USH2A: variants seen among roughly 807,000 people sequenced by gnomAD.
The protein encoded by USH2A is Usher syndrome 2A (autosomal recessive, mild).
A neutral mutation model predicts 538.9 loss-of-function variants in USH2A; 443 were observed. The ratio of observed to expected loss-of-function variants is 0.82; its 90% CI spans 0.76 to 0.89. USH2A has a LOEUF of 0.89. Ranked by LOEUF, USH2A falls within the 40% of genes least tolerant of loss-of-function variation. USH2A has a pLI of 0.00. For synonymous variants in USH2A, 2,413 were observed against 2,273.5 expected, an observed-to-expected ratio of 1.06 and a Z score of -1.75; for missense variants, 6,633 against 6,324.8, an observed-to-expected ratio of 1.05 and a Z score of -1.65.
chr1:216,281,604 C>T (rs527563219), intron 11 of USH2A, among the ~76,000 whole-genome samples: 4 of 152,166 alleles, frequency 2.6e-5, no homozygotes, highest in South Asian at 4.1e-4. Flanking sequence ...GATTATACTA[C>T]ATTTTATCTA....
At position 216,423,219 on chromosome 1, in the gene USH2A, CT is replaced by C. The variant is rs2039709955; in HGVS notation, c.-211del. On this transcript the variant is annotated 5_prime_UTR_variant, in exon 1 of 72. Transcript: ENST00000307340. The stretch of plus-strand genomic sequence containing the variant: ...TGATAAATAAGCTGAGTTACCATTT[CT>C]TTATTGCATTTCAACCAGTCCCCTC... The C allele has an allele frequency of 6.6e-6, 1 of 152,204 alleles. No individual in the cohort carries two copies. Among genetic ancestry groups the C allele is most frequent in the Admixed American group, 6.5e-5 (1 of 15,278 alleles). 9.4% of individuals were successfully genotyped at this position (152,204 alleles called of 1,614,324 possible). A position where few individuals can be genotyped will look rare whatever the true frequency, so the allele number is the denominator to read the frequency against.
At chr1:215,717,895 G>A (rs139245669) in intron 61 of USH2A, among the ~76,000 whole-genome samples, 1,998 of 152,272 alleles carry the variant, frequency 0.013, 23 homozygotes, top group Middle Eastern at 0.024. Context: ...AACATCAGGC[G>A]AGAAAGTTAT....
intron 41 of USH2A, among the ~76,000 whole-genome samples, chr1:215,886,041 A>T (rs1304020683): frequency 1.3e-5 from 2 of 152,196 alleles, no homozygotes; most frequent in East Asian, 3.8e-4. Context: ...CCTACTGCCT[A>T]AAAGAGGCAC....
intron 62 of USH2A, among the ~76,000 whole-genome samples, chr1:215,677,506 C>A (rs1571951469): frequency 6.6e-6 from 1 of 152,176 alleles, no homozygotes; most frequent in Admixed American, 6.5e-5. Flanking sequence ...CCTCAACCAG[C>A]CATGCCAACC....
At chr1:215,856,831 T>C (rs1291738882) in intron 44 of USH2A, among the ~76,000 whole-genome samples, 1 of 121,730 alleles carries the variant, frequency 8.2e-6, no homozygotes, top group Non-Finnish European at 1.7e-5. Context: ...TAAAAAAATT[T>C]GGTGTGTGTG....
At chr1:216,124,880 G>A (rs1411674192) in intron 21 of USH2A, among the ~76,000 whole-genome samples, 1 of 152,112 alleles carries the variant, frequency 6.6e-6, no homozygotes, top group Non-Finnish European at 1.5e-5. Flanking sequence ...GTGAGACTGT[G>A]GACAGTAACA....
intron 8 of USH2A, among the ~76,000 whole-genome samples, chr1:216,322,401 G>T (rs1231870272): frequency 2.6e-5 from 4 of 151,784 alleles, no homozygotes; most frequent in Non-Finnish European, 5.9e-5. Context: ...TCAGGAGTTT[G>T]AGAGCAGCCT....
intron 21 of USH2A, among the ~76,000 whole-genome samples, chr1:216,114,640 G>T (rs1268730966): frequency 6.6e-6 from 1 of 152,100 alleles, no homozygotes; most frequent in Non-Finnish European, 1.5e-5. Flanking sequence ...TAGGCTAAAA[G>T]AGGAAGAAAG....
Position 216,292,337 on chromosome 1 carries a change from G to C in USH2A, c.1678C>G (p.Pro560Ala), listed in dbSNP as rs147509797. The change falls in exon 10 of 72, where the codon CCT (proline) becomes GCT (alanine). Residue 560 changes from proline (P) to alanine (A), a missense_variant. Pro to Ala is a conservative substitution (Grantham distance 27). Coordinates refer to ENST00000307340, the MANE Select transcript of USH2A (RefSeq NM_206933.4). ...DRCLPLYNDK[P>A]FRQGDQVYAF... ...TAAACTTGATCACCTTGGCGGAAAG[G>C]CTTGTCATTATAAAGAGGCAAGCAG... 40 of 1,613,868 alleles carry C rather than the reference G, an allele frequency of 2.5e-5. No individual in the cohort carries two copies. In the East Asian group the frequency reaches 5.6e-4, roughly 22 times the overall value.
rs370509880 is a variant in USH2A at position 216,378,111 on chromosome 1, C to T, written c.652-13026G>A. The stretch of plus-strand genomic sequence containing the variant: ...CTTGGTGGGAGAAACATTTGCATGC[C>T]GATTTGACTCTTAAAAAGAAAATTA... On this transcript the variant is annotated intron_variant, in intron 3 of 71. Coordinates refer to ENST00000307340, the MANE Select transcript of USH2A (RefSeq NM_206933.4). 6.6e-5 allele frequency among the ~76,000 whole-genome samples: 10 copies of T among 151,446 alleles called. 1 individual carries two copies. Among genetic ancestry groups the T allele is most frequent in the Admixed American group, 2.6e-4 (4 of 15,200 alleles).
rs2033691036 is a variant in USH2A, at chr1:216,145,932, C to A, written c.4627+29320G>T. The stretch of plus-strand genomic sequence containing the variant: ...ACCCAAATCCTATAAAACGGCCCCA[C>A]CCTTATCTCCCTTCGCTGACTCTCT... On this transcript the variant is annotated intron_variant, in intron 21 of 71. Transcript: ENST00000307340. Among the ~76,000 whole-genome samples, 4 of 152,260 alleles carry A rather than the reference C, an allele frequency of 2.6e-5. No individual in the cohort carries two copies. In the South Asian group the frequency reaches 8.3e-4, roughly 32 times the overall value.
intron 23 of USH2A, 117 bp downstream of exon 23, chr1:216,088,896 T>A: frequency 6.8e-7 from 1 of 1,470,718 alleles, no homozygotes; most frequent in East Asian, 2.3e-5. Flanking sequence ...AACAGCAATA[T>A]ATATGGAATT....
Position 216,046,558 on chromosome 1 carries a change from G to A in USH2A, c.6198C>T (p.Ser2066=). The change falls in exon 32 of 72, where the codon TCC becomes TCT. Residue 2066 remains serine, a synonymous_variant. Transcript: ENST00000307340. ...PQEVQPPVAK[S]LPSSLLLSWN... ...AGGAGAGCAGCAAAGAACTGGGAAGGGATTTGGCTACTGGTGGCTGAACCT... is the reference window on the plus strand; with the variant it reads ...AGGAGAGCAGCAAAGAACTGGGAAGAGATTTGGCTACTGGTGGCTGAACCT... The A allele has an allele frequency of 6.2e-7, 1 of 1,613,820 alleles. No homozygotes were observed. The highest frequency in any genetic ancestry group is 8.5e-7 in the Non-Finnish European group (1 of 1,179,792).
In USH2A at chr1:216,232,430, C is replaced by A. The variant is rs378340; in HGVS notation, c.2810-294G>T. On this transcript the variant is annotated intron_variant, in intron 13 of 71. Transcript: ENST00000307340. ...TTGACCTCCTCTAATCAGCTCCATT[C>A]CAACAGATATTACCAGTCATTCAGT... Among the ~76,000 whole-genome samples, 34,423 of 152,060 alleles carry A rather than the reference C, an allele frequency of 0.23. 3,931 individuals carry two copies. Among genetic ancestry groups the A allele is most frequent in the Non-Finnish European group, 0.25 (17,107 of 67,974 alleles).
chr1:216,078,439 A>C, intron 26 of USH2A, 77 bp from the exon 27 acceptor site: 1 of 1,416,068 alleles, frequency 7.1e-7, no homozygotes, highest in Non-Finnish European at 9.9e-7. Flanking sequence ...GCAGAAAGTC[A>C]ATTTCTTGAA....
intron 15 of USH2A, among the ~76,000 whole-genome samples, chr1:216,214,376 G>A (rs1381047247): frequency 2.0e-5 from 3 of 152,004 alleles, no homozygotes; most frequent in Non-Finnish European, 4.4e-5. Flanking sequence ...ACTGAGACAT[G>A]CAACAATATG....
intron 32 of USH2A, among the ~76,000 whole-genome samples, chr1:216,026,556 T>C (rs181269067): frequency 6.6e-6 from 1 of 152,296 alleles, no homozygotes; most frequent in East Asian, 1.9e-4. Context: ...CTTACCAGTC[T>C]GGCATTCTGA....
At chr1:215,814,244 A>G (rs1048761700) in intron 48 of USH2A, among the ~76,000 whole-genome samples, 1 of 147,064 alleles carries the variant, frequency 6.8e-6, no homozygotes, top group Non-Finnish European at 1.5e-5. Context: ...TAAGATGTAT[A>G]TCTTATATCT....
chr1:215,759,930 A>G lies in USH2A; in HGVS notation c.11048-87T>C, dbSNP rs1016175224. Reference sequence around the variant, plus strand: ...CACACCATCCCCCCCATGAACTGTGATATTTTTTCTGTTGATTTTAAAAAA... The same window carrying G: ...CACACCATCCCCCCCATGAACTGTGGTATTTTTTCTGTTGATTTTAAAAAA... On this transcript the variant is annotated intron_variant, in intron 56 of 71. Transcript: ENST00000307340. The G allele has an allele frequency of 4.0e-6, 6 of 1,505,572 alleles. No individual in the cohort carries two copies. The Admixed American group carries it at 8.5e-5, about 21-fold the overall frequency. 93.3% of individuals were successfully genotyped at this position (1,505,572 alleles called of 1,614,324 possible). A position where few individuals can be genotyped will look rare whatever the true frequency, so the allele number is the denominator to read the frequency against.
Sources: allele counts gnomAD v4.1 joint callset (sites outside exome capture counted in the v4.1 genomes callset), GRCh38; gene constraint gnomAD v4.1.1; transcripts MANE v1.5; gene names NCBI Gene and HGNC (gene_info 2026-07-23, HGNC 2026-07-21).